Variants in NDUFS5 observed in about 807,000 individuals in gnomAD.
NDUFS5 encodes the protein NADH:ubiquinone oxidoreductase subunit S5.
NDUFS5 carries 7 observed loss-of-function variants against 10.5 expected under a neutral mutation model. That is an observed-to-expected ratio of 0.66 (90% confidence interval 0.38 to 1.25). The LOEUF (loss-of-function observed/expected upper bound fraction) is 1.25, where lower values mean the gene tolerates loss of function less well. Ranked by LOEUF, NDUFS5 falls within the 50% of genes most tolerant of loss-of-function variation. NDUFS5 has a pLI of 0.02. For synonymous variants in NDUFS5, 38 were observed against 44.0 expected (o/e 0.86, Z 0.54); for missense variants, 148 against 140.7 (o/e 1.05, Z -0.26).
At chr1:39,027,213 G>A (rs568452306) in intron 1 of NDUFS5, among the ~76,000 whole-genome samples, 2 of 152,244 alleles carry the variant, frequency 1.3e-5, no homozygotes, top group African/African-American at 4.8e-5. Context: ...TGGGATTACA[G>A]GCATGCGCCC....
chr1:39,033,662 T>C (rs1277501560), intron 2 of NDUFS5, among the ~76,000 whole-genome samples: 2 of 149,738 alleles, frequency 1.3e-5, no homozygotes, highest in Admixed American at 6.6e-5. Flanking sequence ...CCACCACGCC[T>C]GGCTAATTTT....
intron 2 of NDUFS5, among the ~76,000 whole-genome samples, chr1:39,030,417 A>AAAG (rs1644182256): frequency 6.9e-6 from 1 of 145,094 alleles, no homozygotes; most frequent in African/African-American, 2.6e-5. Context: ...GAAAAAAAAA[A>AAAG]AAAAGATGGC....
rs985574893 is a variant in NDUFS5 at position 39,029,756 on chromosome 1, G to A, written c.216+816G>A. On this transcript the variant is annotated intron_variant, in intron 2 of 2. Coordinates refer to ENST00000372969, the MANE Select transcript of NDUFS5 (RefSeq NM_004552.3). The stretch of plus-strand genomic sequence containing the variant: ...GTACATGAGCGTGAACAACGATGCA[G>A]TGGAAAAGGGATGTTAACAGCTTAG... Among the ~76,000 whole-genome samples, 20 of 152,228 alleles carry A rather than the reference G, an allele frequency of 1.3e-4. 1 individual carries two copies. The highest frequency in any genetic ancestry group is 1.9e-4 in the East Asian group (1 of 5,202).
chr1:39,026,881 A>T (rs1644152263), intron 1 of NDUFS5, among the ~76,000 whole-genome samples: 1 of 152,200 alleles, frequency 6.6e-6, no homozygotes, highest in Non-Finnish European at 1.5e-5. Context: ...GGCATTTTCA[A>T]GTCTCCGGGC....
chr1:39,033,780 G>A (rs1644209305), intron 2 of NDUFS5, among the ~76,000 whole-genome samples: 2 of 134,266 alleles, frequency 1.5e-5, no homozygotes, highest in Non-Finnish European at 3.2e-5. Flanking sequence ...GATTACAGGC[G>A]TGAGCCACCA....
chr1:39,027,919 G>A (rs1644163379), intron 1 of NDUFS5, among the ~76,000 whole-genome samples: 1 of 143,580 alleles, frequency 7.0e-6, no homozygotes, highest in East Asian at 2.0e-4. Context: ...CCCAGTTCAA[G>A]CAGTTCTCCT....
At chr1:39,030,556 A>T (rs1053350744) in intron 2 of NDUFS5, among the ~76,000 whole-genome samples, 9 of 151,928 alleles carry the variant, frequency 5.9e-5, no homozygotes, top group Non-Finnish European at 1.3e-4. Flanking sequence ...AATACAAAAA[A>T]ATTAGCTGGG....
At chr1:39,031,389 C>A (rs148633639) in intron 2 of NDUFS5, among the ~76,000 whole-genome samples, 5 of 151,958 alleles carry the variant, frequency 3.3e-5, no homozygotes, top group African/African-American at 9.6e-5. Context: ...GCTTACTGCA[C>A]CCTCAAACTC....
intron 1 of NDUFS5, among the ~76,000 whole-genome samples, chr1:39,028,219 G>A (rs1236158422): frequency 6.6e-6 from 1 of 150,934 alleles, no homozygotes; most frequent in Non-Finnish European, 1.5e-5. Flanking sequence ...ATCACCTGAG[G>A]TCAGGAGTTC....
intron 2 of NDUFS5, among the ~76,000 whole-genome samples, chr1:39,032,572 A>G (rs1256985110): frequency 1.4e-5 from 2 of 146,978 alleles, no homozygotes; most frequent in East Asian, 3.9e-4. Context: ...AAACTAGTCT[A>G]GGCACTAGGA....
intron 2 of NDUFS5, among the ~76,000 whole-genome samples, chr1:39,030,473 G>A (rs375946947): frequency 2.7e-5 from 4 of 148,536 alleles, no homozygotes; most frequent in Admixed American, 6.8e-5. Flanking sequence ...TTGGGAGGCC[G>A]AGGCAGGCGG....
chr1:39,026,794 T>C (rs1429365973), intron 1 of NDUFS5, among the ~76,000 whole-genome samples: 1 of 152,224 alleles, frequency 6.6e-6, no homozygotes, highest in Non-Finnish European at 1.5e-5. Flanking sequence ...CACTTCCGGC[T>C]GTAACTCCGG....
chr1:39,029,150 G>A (rs1452744537), intron 2 of NDUFS5, among the ~76,000 whole-genome samples: 4 of 151,852 alleles, frequency 2.6e-5, no homozygotes, highest in Admixed American at 6.6e-5. Context: ...CTGCCACCAC[G>A]CCTGGCTAAT....
chr1:39,027,814 C>T (rs11583799), intron 1 of NDUFS5, among the ~76,000 whole-genome samples: 10,995 of 35,344 alleles, frequency 0.31, 2,577 homozygotes, highest in Middle Eastern at 0.47. Context: ...TCTTCTTCTT[C>T]TTTTTTTTTT....
intron 1 of NDUFS5, among the ~76,000 whole-genome samples, chr1:39,027,768 A>T (rs1393197824): frequency 9.9e-6 from 1 of 101,206 alleles, no homozygotes; most frequent in African/African-American, 3.7e-5. Context: ...TTTTTTTGAG[A>T]CAGAGAACCT....
intron 1 of NDUFS5, among the ~76,000 whole-genome samples, chr1:39,027,018 G>T (rs1006591447): frequency 7.9e-5 from 12 of 152,210 alleles, no homozygotes; most frequent in Admixed American, 5.9e-4. Context: ...TGCCTGGAAC[G>T]TAACTACTCA....
At chr1:39,029,696 A>C (rs1296196069) in intron 2 of NDUFS5, among the ~76,000 whole-genome samples, 1 of 152,128 alleles carries the variant, frequency 6.6e-6, no homozygotes, top group African/African-American at 2.4e-5. Flanking sequence ...GATTCATTCC[A>C]CTCTGAAGAA....
chr1:39,034,065 G>A lies in NDUFS5; in HGVS notation c.217-327G>A, dbSNP rs796759311. ...TCCACCCGCCTCAGCCTCCCAAAGTGCTGGGATTAAACTTTTGATATTTTA... is the reference window on the plus strand; with the variant it reads ...TCCACCCGCCTCAGCCTCCCAAAGTACTGGGATTAAACTTTTGATATTTTA... On this transcript the variant is annotated intron_variant, in intron 2 of 2. Transcript: ENST00000372969. 1.2e-4 allele frequency among the ~76,000 whole-genome samples: 19 copies of A among 152,210 alleles called. 1 individual carries two copies. Among genetic ancestry groups the A allele is most frequent in the African/African-American group, 4.6e-4 (19 of 41,532 alleles).
rs1285670660 is a variant in NDUFS5 at position 39,028,784 on chromosome 1, C to G, written c.60C>G (p.Ile20Met). Residue 20 changes from isoleucine (I) to methionine (M), a missense_variant, in exon 2 of 3, where the codon ATC becomes ATG. Ile to Met is a conservative substitution (Grantham distance 10, BLOSUM62 1). Transcript: ENST00000372969. The stretch of plus-strand genomic sequence containing the variant: ...TTAACATAGATCGATGGTTGACAAT[C>G]CAGAGTGGTGAACAGCCCTACAAGA... ...FGLNIDRWLTIQSGEQPYKMA... is the reference protein window; with the variant it reads ...FGLNIDRWLTMQSGEQPYKMA... 11 of 1,613,944 alleles carry G rather than the reference C, an allele frequency of 6.8e-6. No homozygotes were observed. The highest frequency in any genetic ancestry group is 6.8e-6 in the Non-Finnish European group (8 of 1,180,030).
Sources: gnomAD v4.1 joint callset for allele counts (sites outside exome capture counted in the v4.1 genomes callset) on GRCh38, gnomAD v4.1.1 for gene constraint, MANE v1.5 for transcripts, NCBI Gene and HGNC (gene_info 2026-07-23, HGNC 2026-07-21) for gene names.